Variants in NCAM2 observed in about 807,000 individuals in gnomAD.
NCAM2 encodes N-CAM-2.
Under a neutral mutation model 98.1 loss-of-function variants are expected in NCAM2, and 30 were observed. The observed-to-expected ratio is 0.31, with a 90% CI of 0.23 to 0.41. NCAM2 has a LOEUF of 0.41. NCAM2 is among the 10% of genes least tolerant of loss of function. The pLI is 1.00. For missense variants in NCAM2, 867 were observed against 1,005.8 expected (o/e 0.86, Z 1.87); for synonymous variants, 368 against 342.4 (o/e 1.07, Z -0.83).
At chr21:21,532,849 G>A (rs540261992) in intron 16 of NCAM2, among the ~76,000 whole-genome samples, 15 of 152,190 alleles carry the variant, frequency 9.9e-5, no homozygotes, top group Admixed American at 2.6e-4. Flanking sequence ...TACTTACTCT[G>A]TAGATCTTAC....
At chr21:21,032,263 T>C (rs2064700837) in intron 1 of NCAM2, among the ~76,000 whole-genome samples, 1 of 152,186 alleles carries the variant, frequency 6.6e-6, no homozygotes, top group Non-Finnish European at 1.5e-5. Context: ...GAAATAAATC[T>C]AATGCAAATA....
chr21:21,466,548 C>A, intron 12 of NCAM2, 58 bp from the exon 13 acceptor site: 2 of 1,211,782 alleles, frequency 1.7e-6, no homozygotes, highest in Non-Finnish European at 2.2e-6. Flanking sequence ...AAAATGTGTC[C>A]AATTAGATAT....
intron 1 of NCAM2, among the ~76,000 whole-genome samples, chr21:21,144,078 G>T (rs187866056): frequency 6.6e-6 from 1 of 151,840 alleles, no homozygotes; most frequent in African/African-American, 2.4e-5. Context: ...GGCTGGGCAC[G>T]GTGACTCACA....
chr21:21,264,974 T>C (rs1298264384), intron 1 of NCAM2, among the ~76,000 whole-genome samples: 1 of 126,082 alleles, frequency 7.9e-6, no homozygotes, highest in East Asian at 2.7e-4. Flanking sequence ...TATATACACA[T>C]ATATATTATA....
At chr21:21,378,530 G>T (rs2076082959) in intron 9 of NCAM2, among the ~76,000 whole-genome samples, 1 of 151,932 alleles carries the variant, frequency 6.6e-6, no homozygotes, top group Non-Finnish European at 1.5e-5. Flanking sequence ...TTGTTTTCTT[G>T]ATATTGATTT....
At chr21:21,138,977 G>T (rs1432294730) in intron 1 of NCAM2, among the ~76,000 whole-genome samples, 3 of 152,142 alleles carry the variant, frequency 2.0e-5, no homozygotes, top group Non-Finnish European at 4.4e-5. Context: ...GTGAATGGTG[G>T]TCACCCCAGA....
chr21:21,004,497 A>T (rs1019262671), intron 1 of NCAM2, among the ~76,000 whole-genome samples: 1 of 152,166 alleles, frequency 6.6e-6, no homozygotes, highest in African/African-American at 2.4e-5. Flanking sequence ...TATATTGTTG[A>T]TTCATTTGTT....
chr21:21,165,364 G>T (rs2067916441), intron 1 of NCAM2, among the ~76,000 whole-genome samples: 1 of 152,136 alleles, frequency 6.6e-6, no homozygotes, highest in Non-Finnish European at 1.5e-5. Flanking sequence ...GACTGATTGA[G>T]CTACTCACTC....
intron 14 of NCAM2, among the ~76,000 whole-genome samples, chr21:21,472,314 A>G (rs1443622561): frequency 1.3e-5 from 2 of 152,038 alleles, no homozygotes; most frequent in South Asian, 2.1e-4. Flanking sequence ...CACTATCTCA[A>G]TGGCCATAGG....
At chr21:21,165,852 A>G (rs2067934774) in intron 1 of NCAM2, among the ~76,000 whole-genome samples, 1 of 152,172 alleles carries the variant, frequency 6.6e-6, no homozygotes, top group African/African-American at 2.4e-5. Flanking sequence ...ACAATTCATT[A>G]TCTCTGGGTT....
chr21:21,397,647 G>T (rs2076540027), intron 9 of NCAM2, among the ~76,000 whole-genome samples: 1 of 152,216 alleles, frequency 6.6e-6, no homozygotes, highest in Admixed American at 6.5e-5. Context: ...GGAAGGGGGA[G>T]TTCCTCACCT....
At chr21:21,224,309 G>T (rs193079033) in intron 1 of NCAM2, among the ~76,000 whole-genome samples, 2 of 152,240 alleles carry the variant, frequency 1.3e-5, no homozygotes, top group East Asian at 3.9e-4. Context: ...TGCTTCAGAT[G>T]TTACTGTATT....
chr21:21,105,187 A>G (rs899201577), intron 1 of NCAM2, among the ~76,000 whole-genome samples: 1 of 152,214 alleles, frequency 6.6e-6, no homozygotes, highest in Non-Finnish European at 1.5e-5. Flanking sequence ...AATGAACACA[A>G]AACAGAGAGG....
intron 1 of NCAM2, among the ~76,000 whole-genome samples, chr21:21,001,823 T>C (rs1303722609): frequency 6.6e-6 from 1 of 152,182 alleles, no homozygotes; most frequent in African/African-American, 2.4e-5. Flanking sequence ...AATTGCCCAG[T>C]TGATCAGTTA....
intron 15 of NCAM2, among the ~76,000 whole-genome samples, chr21:21,494,373 A>T (rs942726826): frequency 9.9e-5 from 15 of 151,930 alleles, no homozygotes; most frequent in African/African-American, 3.4e-4. Flanking sequence ...TTCAATGTTG[A>T]CAGAAAAATA....
chr21:21,491,387 A>G (rs1986831782), intron 15 of NCAM2, among the ~76,000 whole-genome samples: 1 of 151,772 alleles, frequency 6.6e-6, no homozygotes, highest in African/African-American at 2.4e-5. Flanking sequence ...ACGTAAAGTG[A>G]TTTTTCTCCA....
chr21:21,479,394 T>C (rs1203655558), intron 15 of NCAM2, among the ~76,000 whole-genome samples: 1 of 151,220 alleles, frequency 6.6e-6, no homozygotes, highest in Non-Finnish European at 1.5e-5. Context: ...CCATCCTGGC[T>C]AACACGGTGA....
chr21:21,156,119 G>T (rs1298116878), intron 1 of NCAM2, among the ~76,000 whole-genome samples: 3 of 151,974 alleles, frequency 2.0e-5, no homozygotes, highest in Non-Finnish European at 4.4e-5. Context: ...ATCTCCACCA[G>T]TTCTCTAAGG....
intron 16 of NCAM2, among the ~76,000 whole-genome samples, chr21:21,518,092 A>G (rs1187477733): frequency 1.3e-5 from 2 of 152,170 alleles, no homozygotes; most frequent in Non-Finnish European, 2.9e-5. Context: ...CAATATATGT[A>G]AAATTACCCT....
Sources: gnomAD v4.1 joint callset for allele counts (sites outside exome capture counted in the v4.1 genomes callset) on GRCh38, gnomAD v4.1.1 for gene constraint, MANE v1.5 for transcripts, NCBI Gene and HGNC (gene_info 2026-07-23, HGNC 2026-07-21) for gene names.